Variants in SLC16A12 observed in about 807,000 individuals in gnomAD.
SLC16A12 encodes monocarboxylate transporter 12.
A neutral mutation model predicts 42.4 loss-of-function variants in SLC16A12; 17 were observed. The observed-to-expected ratio is 0.40, with a 90% CI of 0.27 to 0.60. The LOEUF (loss-of-function observed/expected upper bound fraction) is 0.60. Among genes scored for constraint, SLC16A12 ranks in the 20% least tolerant of loss-of-function variants. The pLI is 0.42. For synonymous variants in SLC16A12, 224 were observed against 229.4 expected, an observed-to-expected ratio of 0.98 and a Z score of 0.21; for missense variants, 544 against 623.0, an observed-to-expected ratio of 0.87 and a Z score of 1.35.
intron 2 of SLC16A12, among the ~76,000 whole-genome samples, chr10:89,517,869 T>C (rs1004016085): frequency 6.6e-6 from 1 of 152,114 alleles, no homozygotes; most frequent in Non-Finnish European, 1.5e-5. Context: ...ATTACAACTT[T>C]TCAAGAAAAA....
At chr10:89,521,255 A>G (rs1843349698) in intron 2 of SLC16A12, among the ~76,000 whole-genome samples, 1 of 152,218 alleles carries the variant, frequency 6.6e-6, no homozygotes, top group African/African-American at 2.4e-5. Flanking sequence ...GTCCCAACAA[A>G]GCCAGTCCAA....
chr10:89,475,838 A>G (rs547205848), intron 2 of SLC16A12, among the ~76,000 whole-genome samples: 1 of 152,338 alleles, frequency 6.6e-6, no homozygotes, highest in Non-Finnish European at 1.5e-5. Context: ...AAAGGAAGAA[A>G]AAGGTACAAC....
intron 2 of SLC16A12, chr10:89,462,868 C>G: frequency 2.9e-6 from 1 of 350,560 alleles, no homozygotes; most frequent in Non-Finnish European, 5.1e-6. Flanking sequence ...TTTCCCTAGC[C>G]TCTCTTGAAG....
chr10:89,498,306 T>A (rs1842951773), intron 2 of SLC16A12, among the ~76,000 whole-genome samples: 1 of 152,128 alleles, frequency 6.6e-6, no homozygotes, highest in Non-Finnish European at 1.5e-5. Context: ...CACTCCAGCC[T>A]GGTTAACAAA....
rs754620882 is a variant in SLC16A12 at position 89,551,394 on chromosome 10, G to A, written c.-47+4488C>T. On this transcript the variant is annotated intron_variant, in intron 2 of 2. Transcript: ENST00000475682. ...GGAGGGGGAGGTTGCAGTGAGCTGA[G>A]ATCACACTACTGCACTCCAGCCTGG... 5.1e-4 allele frequency among the ~76,000 whole-genome samples: 78 copies of A among 152,220 alleles called. No homozygotes were observed. In the Middle Eastern group the frequency reaches 0.02, roughly 40 times the overall value.
intron 2 of SLC16A12, among the ~76,000 whole-genome samples, chr10:89,472,051 A>G (rs532308845): frequency 3.0e-4 from 45 of 152,194 alleles, no homozygotes; most frequent in Middle Eastern, 3.4e-3. Context: ...TGTTAGAAAT[A>G]TTTTCTCCCA....
rs902924980 is a variant in SLC16A12, at chr10:89,525,047, G to A, written c.-47+9454C>T. On this transcript the variant is annotated intron_variant, in intron 2 of 7. Coordinates refer to ENST00000371790, the MANE Select transcript of SLC16A12 (RefSeq NM_213606.4). ...AGCCTGGGCAACATGGTGAAACCCCGTCTCTACTAAAATACAAAAAAAAAT... is the reference window on the plus strand; with the variant it reads ...AGCCTGGGCAACATGGTGAAACCCCATCTCTACTAAAATACAAAAAAAAAT... Among the ~76,000 whole-genome samples, 7 of 151,914 alleles carry A rather than the reference G, an allele frequency of 4.6e-5. No individual in the cohort carries two copies. In the South Asian group the frequency reaches 8.3e-4, roughly 18 times the overall value.
At chr10:89,458,269 C>T (rs897451869) in intron 3 of SLC16A12, among the ~76,000 whole-genome samples, 5 of 152,184 alleles carry the variant, frequency 3.3e-5, no homozygotes, top group Admixed American at 6.5e-5. Flanking sequence ...CAGGGGTTTT[C>T]AGTCAAACAT....
intron 4 of SLC16A12, among the ~76,000 whole-genome samples, chr10:89,442,574 T>C (rs1212062900): frequency 1.3e-5 from 2 of 152,216 alleles, no homozygotes; most frequent in Non-Finnish European, 1.5e-5. Context: ...ACTAATAATG[T>C]GACCCTGAAA....
rs148013353 is a variant in SLC16A12, at chr10:89,438,662, T to C, written c.970A>G (p.Ile324Val). 11 of 1,613,882 alleles carry C rather than the reference T, an allele frequency of 6.8e-6. No homozygotes were observed. The highest frequency in any genetic ancestry group is 1.7e-5 in the Admixed American group (1 of 59,964). Residue 324 changes from isoleucine to valine, a missense_variant, in exon 6 of 8, where the codon ATA becomes GTA. Ile to Val is a conservative substitution (Grantham distance 29). Coordinates refer to ENST00000371790, the MANE Select transcript of SLC16A12 (RefSeq NM_213606.4). ...SHQQAAFLMS[I>V]LGVIDIIGNI... The stretch of plus-strand genomic sequence containing the variant: ...CCAATAATGTCAATCACTCCAAGTA[T>C]GGACATAAGAAAAGCAGCTTGCTGA...
intron 2 of SLC16A12, among the ~76,000 whole-genome samples, chr10:89,554,075 AGAAAGAAAGAAAGAAAGAAAGAAAGAAG>A (rs1843789428): frequency 3.1e-4 from 23 of 74,884 alleles, no homozygotes; most frequent in East Asian, 2.6e-3. Flanking sequence ...AAAGAAAGAA[AGAAAGAAAGAAAGAAAGAAAGAAAGAAG>A]GAAGGAAGGA....
chr10:89,439,202 CTA>C lies in SLC16A12; in HGVS notation c.449-21_449-20del. On this transcript the variant is annotated intron_variant, in intron 5 of 7. Transcript: ENST00000371790. The stretch of plus-strand genomic sequence containing the variant: ...CCAAGACCTGAGGATAAAGAGAACT[CTA>C]TGAGTGCTGAAGTACCATAAACAGC... 1 of 1,608,566 alleles carries C rather than the reference CTA, an allele frequency of 6.2e-7. No homozygotes were observed. Among genetic ancestry groups the C allele is most frequent in the Non-Finnish European group, 8.5e-7 (1 of 1,175,324 alleles).
At chr10:89,478,287 C>T (rs1478149448) in intron 2 of SLC16A12, among the ~76,000 whole-genome samples, 1 of 152,160 alleles carries the variant, frequency 6.6e-6, no homozygotes, top group Non-Finnish European at 1.5e-5. Flanking sequence ...ATCAGCCACA[C>T]CTACTCCTGC....
intron 2 of SLC16A12, among the ~76,000 whole-genome samples, chr10:89,505,160 G>A (rs1422490349): frequency 6.6e-6 from 1 of 152,074 alleles, no homozygotes; most frequent in Admixed American, 6.6e-5. Flanking sequence ...CTTTTATTTG[G>A]AATACTTTGA....
chr10:89,498,417 G>C (rs1450050989), intron 2 of SLC16A12, among the ~76,000 whole-genome samples: 1 of 152,100 alleles, frequency 6.6e-6, no homozygotes, highest in Non-Finnish European at 1.5e-5. Flanking sequence ...ATGTACAATT[G>C]GCTGAAATAT....
At chr10:89,462,710 C>T (rs1376214179) in intron 2 of SLC16A12, 86 bp from the exon 3 acceptor site, 4 of 1,384,180 alleles carry the variant, frequency 2.9e-6, no homozygotes, top group Admixed American at 2.8e-5. Flanking sequence ...ATGATTATTA[C>T]TTTCCTATTA....
At chr10:89,516,349 C>T (rs1320318737) in intron 2 of SLC16A12, among the ~76,000 whole-genome samples, 1 of 152,148 alleles carries the variant, frequency 6.6e-6, no homozygotes, top group African/African-American at 2.4e-5. Context: ...ACACTGGAGG[C>T]CCCCAAAACG....
intron 2 of SLC16A12, among the ~76,000 whole-genome samples, chr10:89,485,107 T>C (rs1271591490): frequency 6.6e-6 from 1 of 152,180 alleles, no homozygotes; most frequent in Non-Finnish European, 1.5e-5. Flanking sequence ...AGGAAGCAGT[T>C]TCCTATGGAT....
intron 2 of SLC16A12, among the ~76,000 whole-genome samples, chr10:89,553,648 C>T (rs1843784667): frequency 6.6e-6 from 1 of 152,140 alleles, no homozygotes; most frequent in Non-Finnish European, 1.5e-5. Flanking sequence ...AGGGAGTGAA[C>T]TGCTCAACAA....
Sources: allele counts gnomAD v4.1 joint callset (sites outside exome capture counted in the v4.1 genomes callset), GRCh38; gene constraint gnomAD v4.1.1; transcripts MANE v1.5; gene names NCBI Gene and HGNC (gene_info 2026-07-23, HGNC 2026-07-21).